Variants in NUDT17 observed in about 807,000 individuals in gnomAD.
NUDT17 encodes m7GpppN-mRNA hydrolase NUDT17.
Under a neutral mutation model 38.6 loss-of-function variants are expected in NUDT17, and 38 were observed. The observed-to-expected ratio is 0.98, with a 90% CI of 0.76 to 1.29. NUDT17 has a LOEUF of 1.29. Ranked by LOEUF, NUDT17 falls within the 50% of genes most tolerant of loss-of-function variation. The pLI, the probability that NUDT17 is intolerant of heterozygous loss-of-function variation, is 0.00. For missense variants in NUDT17, 462 were observed against 415.2 expected, an observed-to-expected ratio of 1.11 and a Z score of -0.98; for synonymous variants, 192 against 167.8, an observed-to-expected ratio of 1.14 and a Z score of -1.11.
intron 1 of NUDT17, 21 bp downstream of exon 1, chr1:145,845,853 G>A: frequency 1.3e-6 from 2 of 1,569,218 alleles, no homozygotes; most frequent in Non-Finnish European, 1.7e-6. Flanking sequence ...GGGGGCCCCA[G>A]AGCGGGGGCA....
chr1:145,847,127 G>A (rs1372422505), intron 4 of NUDT17, 123 bp from the exon 5 acceptor site: 13 of 610,960 alleles, frequency 2.1e-5, no homozygotes, highest in Non-Finnish European at 3.8e-5. Context: ...CCAGGAGGCA[G>A]AGGTTGCAGT....
In NUDT17 at chr1:145,848,552, G is replaced by A; in HGVS notation, c.*73G>A. ...TTCACAACCTTTATTATGGGTGAGA[G>A]CTTCACTACAACTTTAGAAATAAAA... On this transcript the variant is annotated 3_prime_UTR_variant, in exon 8 of 8. Transcript: ENST00000334513. 1 of 1,011,732 alleles carries A rather than the reference G, an allele frequency of 9.9e-7. No homozygotes were observed. Among genetic ancestry groups the A allele is most frequent in the Non-Finnish European group, 1.5e-6 (1 of 658,318 alleles). 62.7% of individuals were successfully genotyped at this position (1,011,732 alleles called of 1,614,324 possible).
chr1:145,847,838 G>C, intron 6 of NUDT17, 119 bp downstream of exon 6: 1 of 1,033,870 alleles, frequency 9.7e-7, no homozygotes. Context: ...AAGGAGAGTG[G>C]GTCAGCTGAT....
intron 4 of NUDT17, 110 bp from the exon 5 acceptor site, chr1:145,847,140 G>A (rs993258542): frequency 1.1e-4 from 74 of 651,832 alleles, no homozygotes; most frequent in Admixed American, 1.8e-4. Flanking sequence ...GTTGCAGTGA[G>A]CCAAGATCAC....
At chr1:145,846,315 T>C in intron 2 of NUDT17, 118 bp from the exon 3 acceptor site, 1 of 1,465,756 alleles carries the variant, frequency 6.8e-7, no homozygotes, top group Middle Eastern at 1.7e-4. Flanking sequence ...ATGTTCATAG[T>C]CACAAGGGAC....
intron 2 of NUDT17, 109 bp from the exon 3 acceptor site, chr1:145,846,324 A>T (rs782406051): frequency 1.4e-6 from 2 of 1,474,850 alleles, no homozygotes. Flanking sequence ...GTCACAAGGG[A>T]CTGCAACTCC....
chr1:145,845,667 C>T lies in NUDT17; in HGVS notation c.27C>T (p.Leu9=). The T allele has an allele frequency of 1.3e-6, 2 of 1,532,544 alleles. No individual in the cohort carries two copies. Among genetic ancestry groups the T allele is most frequent in the East Asian group, 2.5e-5 (1 of 40,386 alleles). The allele number at this position is 1,532,544 out of a possible 1,614,324, so 94.9% of individuals were successfully genotyped here. A position where few individuals can be genotyped will look rare whatever the true frequency, so the allele number is the denominator to read the frequency against. Residue 9 remains leucine, a synonymous_variant, in exon 1 of 8, where the codon CTC becomes CTT. Coordinates refer to ENST00000334513, the MANE Select transcript of NUDT17 (RefSeq NM_001012758.3). MAEVRVQL[L]LSRRPESVSF... ...TGGCCGAGGTGCGGGTGCAGCTGCT[C>T]CTGTCCCGGCGTCCGGAGTCGGTGA... is the stretch of plus-strand genomic sequence containing the variant.
chr1:145,845,855 G>T, intron 1 of NUDT17, 23 bp downstream of exon 1: 2 of 1,566,688 alleles, frequency 1.3e-6, no homozygotes, highest in East Asian at 2.3e-5. Flanking sequence ...GGGCCCCAGA[G>T]CGGGGGCAGT....
intron 4 of NUDT17, 40 bp downstream of exon 4, chr1:145,846,730 C>A (rs781849981): frequency 3.0e-6 from 4 of 1,348,858 alleles, no homozygotes; most frequent in Admixed American, 1.7e-5. Flanking sequence ...CATAGATCAG[C>A]CCCTACCTGC....
chr1:145,848,103 A>G lies in NUDT17; in HGVS notation c.732-9A>G, dbSNP rs782020584. On this transcript the variant is annotated splice_polypyrimidine_tract_variant and intron_variant, in intron 6 of 7. Transcript: ENST00000334513. Reference sequence around the variant, plus strand: ...AGGCACAGCCCCAACAGGAGTTGTCACCATGCAGTGCAGTGGAACTAGAGG... The same window carrying G: ...AGGCACAGCCCCAACAGGAGTTGTCGCCATGCAGTGCAGTGGAACTAGAGG... 7.4e-6 allele frequency: 12 copies of G among 1,613,080 alleles called. No homozygotes were observed. Among genetic ancestry groups the G allele is most frequent in the Non-Finnish European group, 1.0e-5 (12 of 1,179,926 alleles).
intron 2 of NUDT17, 68 bp from the exon 3 acceptor site, chr1:145,846,365 C>A: frequency 1.9e-6 from 3 of 1,586,562 alleles, no homozygotes; most frequent in South Asian, 1.1e-5. Context: ...AGAGGAGTGT[C>A]AACAGTGAGT....
intron 6 of NUDT17, 87 bp from the exon 7 acceptor site, chr1:145,848,025 T>C: frequency 6.9e-7 from 1 of 1,440,934 alleles, no homozygotes. Flanking sequence ...CCTCCTGTGG[T>C]AGTTGGGAGG....
At chr1:145,847,118 C>CAGG (rs2101671465) in intron 4 of NUDT17, 132 bp from the exon 5 acceptor site, 2 of 598,286 alleles carry the variant, frequency 3.3e-6, no homozygotes, top group East Asian at 2.9e-5. Flanking sequence ...TGCTTGAACC[C>CAGG]AGGAGGCAGA....
At chr1:145,847,056 T>G (rs1652729791) in intron 4 of NUDT17, among the ~76,000 whole-genome samples, 194 bp from the exon 5 acceptor site, 1 of 152,148 alleles carries the variant, frequency 6.6e-6, no homozygotes, top group Non-Finnish European at 1.5e-5. Context: ...TAGCTGGGCG[T>G]GGCGGCAGGC....
chr1:145,847,263 C>T lies in NUDT17; in HGVS notation c.509C>T (p.Pro170Leu), dbSNP rs1553732773. Residue 170 changes from proline (P) to leucine (L), a missense_variant, in exon 5 of 8, where the codon CCT becomes CTT. Transcript: ENST00000334513. ...TTCTTTTCCTAGTCTGCCTACCCTC[C>T]TAGGCTGAGCTGGGGTTTACCCAAA... Reference protein sequence around the residue: ...PLGLWESAYPPRLSWGLPKYH... With the variant: ...PLGLWESAYPLRLSWGLPKYH... The T allele has an allele frequency of 1.2e-6, 2 of 1,603,956 alleles. No individual in the cohort carries two copies. Among genetic ancestry groups the T allele is most frequent in the Non-Finnish European group, 1.7e-6 (2 of 1,173,024 alleles).
At chr1:145,846,735 A>G (rs782029318) in intron 4 of NUDT17, 45 bp downstream of exon 4, 2 of 1,332,516 alleles carry the variant, frequency 1.5e-6, no homozygotes, top group Non-Finnish European at 2.2e-6. Context: ...ATCAGCCCCT[A>G]CCTGCCTTGG....
chr1:145,846,309 T>C, intron 2 of NUDT17, 113 bp downstream of exon 2: 1 of 1,464,290 alleles, frequency 6.8e-7, no homozygotes, highest in Non-Finnish European at 9.5e-7. Context: ...TGTGGCATGT[T>C]CATAGTCACA....
At position 145,847,703 on chromosome 1, in the gene NUDT17, C is replaced by G. The variant is rs1296734055; in HGVS notation, c.715C>G (p.Leu239Val). 3 of 1,614,040 alleles carry G rather than the reference C, an allele frequency of 1.9e-6. No individual in the cohort carries two copies. In the African/African-American group the frequency reaches 4.0e-5, roughly 22 times the overall value. Residue 239 changes from leucine to valine, a missense_variant, in exon 6 of 8, where the codon CTA becomes GTA. Transcript: ENST00000334513. ...GACACCCGGACTTCTCCCCCAGGAC[C>G]TACCACCCTCTGTCCTGTAAGTAAG... ...TETPGLLPQD[L>V]PPSVLAVELE... is the part of the protein sequence containing the mutation.
Position 145,846,033 on chromosome 1 carries a change from TGCGGCCCTGGAGGA to T in NUDT17, c.221_234del (p.Leu74GlnfsTer6), listed in dbSNP as rs1185970560. On this transcript the variant is annotated frameshift_variant, in exon 2 of 8. Coordinates refer to ENST00000334513, the MANE Select transcript of NUDT17 (RefSeq NM_001012758.3). LOFTEE classifies it high-confidence loss of function. Reference sequence around the variant, plus strand: ...GCCAGCGACCCCCTTTCTGCCCTTTTGCGGCCCTGGAGGAGCGGCCCAGGGTCCCTGGGGCTGAG... The same window carrying T: ...GCCAGCGACCCCCTTTCTGCCCTTTTGCGGCCCAGGGTCCCTGGGGCTGAG... The T allele has an allele frequency of 1.2e-6, 2 of 1,603,946 alleles. No individual in the cohort carries two copies. The highest frequency in any genetic ancestry group is 2.7e-5 in the African/African-American group (2 of 74,854).
Sources: gnomAD v4.1 joint callset for allele counts (sites outside exome capture counted in the v4.1 genomes callset) on GRCh38, gnomAD v4.1.1 for gene constraint, MANE v1.5 for transcripts, NCBI Gene and HGNC (gene_info 2026-07-23, HGNC 2026-07-21) for gene names.